The following SNX9 variants were observed in gnomAD, a reference collection of about 807,000 sequenced individuals.
The protein encoded by SNX9 is sorting nexin 9, also known as sorting nexin-9.
In SNX9, 44 loss-of-function variants were observed where a neutral mutation model predicts 89.4. The ratio of observed to expected loss-of-function variants is 0.49; its 90% CI spans 0.39 to 0.63. The LOEUF is 0.63. SNX9 is among the 30% of genes least tolerant of loss of function. SNX9 has a pLI of 0.00. For synonymous variants in SNX9, 236 were observed against 247.8 expected (o/e 0.95, Z 0.45); for missense variants, 578 against 736.1 (o/e 0.79, Z 2.49).
chr6:157,892,958 C>T lies in SNX9; in HGVS notation c.301-3869C>T, dbSNP rs183443823. Among the ~76,000 whole-genome samples, 125 of 151,550 alleles carry T rather than the reference C, an allele frequency of 8.2e-4. 1 individual carries two copies. Among genetic ancestry groups the T allele is most frequent in the African/African-American group, 2.7e-3 (112 of 41,466 alleles). ...CACTAGGCTCTTGACTGTGGCCCTCCGAGCCCCTCCATTTCACAGCCGGTC... is the reference window on the plus strand; with the variant it reads ...CACTAGGCTCTTGACTGTGGCCCTCTGAGCCCCTCCATTTCACAGCCGGTC... On this transcript the variant is annotated intron_variant, in intron 4 of 17. Coordinates refer to ENST00000392185, the MANE Select transcript of SNX9 (RefSeq NM_016224.5).
rs1784093328 is a variant in SNX9 at position 157,943,987 on chromosome 6, A to C, written c.*1149A>C. On this transcript the variant is annotated 3_prime_UTR_variant, in exon 18 of 18. Transcript: ENST00000392185. ...CGCTCTGAGGTTGGAGAGAAAGAACAGACCAGCGCCCTTCCCGACTACATC... is the reference window on the plus strand; with the variant it reads ...CGCTCTGAGGTTGGAGAGAAAGAACCGACCAGCGCCCTTCCCGACTACATC... The C allele has an allele frequency of 6.6e-6, 1 of 152,394 alleles. No homozygotes were observed. Among genetic ancestry groups the C allele is most frequent in the African/African-American group, 2.4e-5 (1 of 41,448 alleles). 9.4% of individuals were successfully genotyped at this position (152,394 alleles called of 1,614,324 possible).
At chr6:157,920,069 T>A (rs1307390977) in intron 9 of SNX9, among the ~76,000 whole-genome samples, 1 of 152,206 alleles carries the variant, frequency 6.6e-6, no homozygotes, top group Non-Finnish European at 1.5e-5. Flanking sequence ...CCCAACCACC[T>A]CAGGCCAGTA....
chr6:157,895,293 A>C (rs1782956098), intron 4 of SNX9, among the ~76,000 whole-genome samples: 2 of 152,188 alleles, frequency 1.3e-5, no homozygotes, highest in South Asian at 2.1e-4. Flanking sequence ...TCCTCTGCCC[A>C]GTCAGAGTTG....
chr6:157,854,540 A>G (rs1781972103), intron 1 of SNX9, among the ~76,000 whole-genome samples: 1 of 152,262 alleles, frequency 6.6e-6, no homozygotes, highest in Non-Finnish European at 1.5e-5. Flanking sequence ...AGTTGTGTAC[A>G]TGCAAACACG....
chr6:157,861,774 T>C (rs549137941), intron 1 of SNX9, among the ~76,000 whole-genome samples: 1 of 152,304 alleles, frequency 6.6e-6, no homozygotes, highest in East Asian at 1.9e-4. Context: ...ACAAAGTTAA[T>C]TTATAAATTA....
rs34836632 is a variant in SNX9 at position 157,844,600 on chromosome 6, G to GTTTTTTTTTTTTTTTTTTTTTTT, written c.12+21165_12+21166insTTTTTTTTTTTTTTTTTTTTTTT. Among the ~76,000 whole-genome samples, 5 of 131,832 alleles carry GTTTTTTTTTTTTTTTTTTTTTTT rather than the reference G, an allele frequency of 3.8e-5. No individual in the cohort carries two copies. The East Asian group carries it at 6.8e-4, about 18-fold the overall frequency. 86.5% of individuals were successfully genotyped at this position (131,832 alleles called of 152,430 possible). ...TGGCTAATCCTTGTTTTTTTTTTTT[G>GTTTTTTTTTTTTTTTTTTTTTTT]TTTTTTTTTTTGAGACAGAGTCTCA... On this transcript the variant is annotated intron_variant, in intron 1 of 17. Coordinates refer to ENST00000392185, the MANE Select transcript of SNX9 (RefSeq NM_016224.5).
At chr6:157,826,973 T>A (rs12662311) in intron 1 of SNX9, among the ~76,000 whole-genome samples, 1,978 of 14,252 alleles carry the variant, frequency 0.14, 75 homozygotes, top group South Asian at 0.21. Context: ...AATATATACA[T>A]ATATATTATA....
In SNX9 at chr6:157,896,847, C is replaced by CTCAATAGGTTGGCAG; in HGVS notation, c.322_323insCAATAGGTTGGCAGT (p.Pro107_Trp108insSerIleGlyTrpGln). The CTCAATAGGTTGGCAG allele has an allele frequency of 6.2e-7, 1 of 1,612,656 alleles. No homozygotes were observed. Among genetic ancestry groups the CTCAATAGGTTGGCAG allele is most frequent in the Non-Finnish European group, 8.5e-7 (1 of 1,179,656 alleles). On this transcript the variant is annotated inframe_insertion, in exon 5 of 18. Transcript: ENST00000392185. ...AATAGGTTGGCAGTGGCAATGACCC[C>CTCAATAGGTTGGCAG]TGGTCAGCCTGGAGTGCCTCCAAAT...
At chr6:157,832,054 A>G (rs1032481109) in intron 1 of SNX9, among the ~76,000 whole-genome samples, 3 of 152,238 alleles carry the variant, frequency 2.0e-5, no homozygotes, top group Non-Finnish European at 4.4e-5. Flanking sequence ...TCTTTTGACT[A>G]TTAAAAGCAC....
intron 1 of SNX9, among the ~76,000 whole-genome samples, chr6:157,833,109 G>A (rs533553957): frequency 7.2e-4 from 110 of 152,224 alleles, no homozygotes; most frequent in African/African-American, 2.6e-3. Flanking sequence ...TAAAATGTGC[G>A]AGTTTAAATG....
At chr6:157,933,108 G>A (rs995346242) in intron 13 of SNX9, among the ~76,000 whole-genome samples, 2 of 151,772 alleles carry the variant, frequency 1.3e-5, no homozygotes, top group African/African-American at 4.8e-5. Flanking sequence ...GCAACATAAG[G>A]AGACCCCATC....
intron 16 of SNX9, 44 bp from the exon 17 acceptor site, chr6:157,940,839 A>C: frequency 5.7e-6 from 9 of 1,575,924 alleles, no homozygotes; most frequent in Non-Finnish European, 7.9e-6. Flanking sequence ...TTGTCATTTG[A>C]AAACTTGAGG....
chr6:157,864,402 A>G (rs1782209962), intron 1 of SNX9, among the ~76,000 whole-genome samples: 1 of 152,178 alleles, frequency 6.6e-6, no homozygotes, highest in Non-Finnish European at 1.5e-5. Context: ...AGCAGTGAGT[A>G]AGTGCTTAGT....
At chr6:157,870,096 C>T (rs9347723) in intron 2 of SNX9, among the ~76,000 whole-genome samples, 7,609 of 148,436 alleles carry the variant, frequency 0.051, 216 homozygotes, top group East Asian at 0.11. Flanking sequence ...TGCCCTCATC[C>T]GCACTCATGC....
At position 157,928,584 on chromosome 6, in the gene SNX9, C is replaced by T. The variant is rs372631222; in HGVS notation, c.1185-15C>T. 1.1e-5 allele frequency: 18 copies of T among 1,590,742 alleles called. No individual in the cohort carries two copies. The South Asian group carries it at 1.3e-4, about 11-fold the overall frequency. On this transcript the variant is annotated splice_polypyrimidine_tract_variant and intron_variant, in intron 11 of 17. Transcript: ENST00000392185. ...TTCTCCTGCTTATGTGACTGACGGC[C>T]GCCTTCACCCACAGAGAGCAGAAGT...
chr6:157,845,180 C>T (rs1006048079), intron 1 of SNX9, among the ~76,000 whole-genome samples: 2 of 150,426 alleles, frequency 1.3e-5, no homozygotes, highest in Non-Finnish European at 2.9e-5. Flanking sequence ...ATGACCTCAG[C>T]TCACTGCAAC....
rs543659179 is a variant in SNX9 at position 157,926,291 on chromosome 6, C to T, written c.1081-820C>T. Among the ~76,000 whole-genome samples the T allele has an allele frequency of 1.2e-4, 18 of 152,112 alleles. 1 individual carries two copies. The highest frequency in any genetic ancestry group is 4.1e-4 in the African/African-American group (17 of 41,484). On this transcript the variant is annotated intron_variant, in intron 10 of 17. Transcript: ENST00000392185. ...ATGGGAGCTCTTTGCTCCTTCCTGGCCTAGTTGGTCGTTAGGCAAGTATTC... is the reference window on the plus strand; with the variant it reads ...ATGGGAGCTCTTTGCTCCTTCCTGGTCTAGTTGGTCGTTAGGCAAGTATTC...
At position 157,943,471 on chromosome 6, in the gene SNX9, C is replaced by A. The variant is rs1205056581; in HGVS notation, c.*633C>A. On this transcript the variant is annotated 3_prime_UTR_variant, in exon 18 of 18. Transcript: ENST00000392185. ...TGTGGCAGGTGGGCCATCCCATGTC[C>A]CTCCAGGGGGACCCCACAGCCTGGC... The A allele has an allele frequency of 6.6e-6, 1 of 152,384 alleles. No homozygotes were observed. Among genetic ancestry groups the A allele is most frequent in the Non-Finnish European group, 1.5e-5 (1 of 68,180 alleles). The allele number at this position is 152,384 out of a possible 1,614,324, so 9.4% of individuals were successfully genotyped here.
chr6:157,899,669 G>A (rs1783053454), intron 5 of SNX9, among the ~76,000 whole-genome samples: 1 of 152,106 alleles, frequency 6.6e-6, no homozygotes, highest in Admixed American at 6.5e-5. Flanking sequence ...AGCTACTCGG[G>A]AAGCTGAGGC....
Sources: gnomAD v4.1 joint callset for allele counts (sites outside exome capture counted in the v4.1 genomes callset) on GRCh38, gnomAD v4.1.1 for gene constraint, MANE v1.5 for transcripts, NCBI Gene and HGNC (gene_info 2026-07-23, HGNC 2026-07-21) for gene names.